The following EMC10 variants were observed in gnomAD, a reference collection of about 807,000 sequenced individuals.
EMC10 encodes ER membrane protein complex subunit 10.
A neutral mutation model predicts 32.2 loss-of-function variants in EMC10; 40 were observed. That is an observed-to-expected ratio of 1.24 (90% CI 0.96 to 1.61). The LOEUF (loss-of-function observed/expected upper bound fraction) is 1.61, where lower values mean the gene tolerates loss of function less well. EMC10 is among the 40% of genes most tolerant of loss of function. The probability of loss-of-function intolerance (pLI) is 0.00; values close to 1 mark genes in which losing one functional copy is unlikely to be tolerated. For missense variants in EMC10, 402 were observed against 357.7 expected (o/e 1.12, Z -1.00); for synonymous variants, 178 against 158.4 (o/e 1.12, Z -0.93).
chr19:50,478,894 G>A, intron 2 of EMC10, 63 bp from the exon 3 acceptor site: 1 of 1,240,794 alleles, frequency 8.1e-7, no homozygotes, highest in Non-Finnish European at 1.1e-6. Context: ...GGACCTCCTG[G>A]CCCCTGCCTG....
At position 50,482,613 on chromosome 19, in the gene EMC10, C is replaced by G. The variant is rs2040341114; in HGVS notation, c.*354C>G. The G allele has an allele frequency of 2.0e-6, 1 of 491,344 alleles. No homozygotes were observed. Among genetic ancestry groups the G allele is most frequent in the Non-Finnish European group, 3.6e-6 (1 of 279,868 alleles). 30.4% of individuals were successfully genotyped at this position (491,344 alleles called of 1,614,324 possible). On this transcript the variant is annotated 3_prime_UTR_variant, in exon 7 of 7. Transcript: ENST00000334976. ...CCCATGCAGTCTGGGAACATGCCGC[C>G]TTCTCTCCAGCCTCTGTGCCTTTGT... is the stretch of plus-strand genomic sequence containing the variant.
chr19:50,479,052 CG>C lies in EMC10; in HGVS notation c.287del (p.Gly96AlafsTer9), dbSNP rs770255014. 24 of 1,605,874 alleles carry C rather than the reference CG, an allele frequency of 1.5e-5. No homozygotes were observed. The East Asian group carries it at 2.0e-4, about 14-fold the overall frequency. On this transcript the variant is annotated frameshift_variant, in exon 3 of 7. Transcript: ENST00000334976. LOFTEE classifies it high-confidence loss of function. ...LSQRQLSEEE[R>X]GRLRDVAALN... The stretch of plus-strand genomic sequence containing the variant: ...ACAGCGGCAGCTCAGCGAGGAGGAG[CG>C]GGGCCGACTCCGGGTGAGGTGGGGC...
chr19:50,478,193 A>C (rs932826292), intron 2 of EMC10, among the ~76,000 whole-genome samples, 192 bp downstream of exon 2: 1 of 152,184 alleles, frequency 6.6e-6, no homozygotes, highest in Non-Finnish European at 1.5e-5. Context: ...CTGTGAGACA[A>C]ACCTCAGTTT....
rs983869981 is a variant in EMC10 at position 50,482,373 on chromosome 19, C to G, written c.*114C>G. ...GGTTTGCTGGTCCCTCCTTTCCCCC[C>G]GTCCCACGAGGCCACCTGGGCCAGC... On this transcript the variant is annotated 3_prime_UTR_variant, in exon 7 of 7. Coordinates refer to ENST00000334976, the MANE Select transcript of EMC10 (RefSeq NM_206538.4). The G allele has an allele frequency of 6.5e-6, 4 of 618,200 alleles. No individual in the cohort carries two copies. The highest frequency in any genetic ancestry group is 5.7e-5 in the South Asian group (3 of 52,188). The allele number at this position is 618,200 out of a possible 1,614,324, so 38.3% of individuals were successfully genotyped here.
At position 50,476,567 on chromosome 19, in the gene EMC10, C is replaced by T. The variant is rs35782968; in HGVS notation, c.23C>T (p.Ala8Val). 3.2e-6 allele frequency: 5 copies of T among 1,574,978 alleles called. No homozygotes were observed. The African/African-American group carries it at 4.1e-5, about 13-fold the overall frequency. The change falls in exon 1 of 7, where the codon GCA (alanine) becomes GTA (valine). Residue 8 changes from alanine (A) to valine (V), a missense_variant. Ala to Val is a moderately conservative substitution (Grantham distance 64, BLOSUM62 0). Transcript: ENST00000334976. MAAASAGATRLLLLLLMA... is the reference protein window; with the variant it reads MAAASAGVTRLLLLLLMA... ...GAGATGGCGGCAGCCAGCGCTGGGG[C>T]AACCCGGCTGCTCCTGCTCTTGCTG...
intron 3 of EMC10, 81 bp downstream of exon 3, chr19:50,479,147 C>A: frequency 8.7e-7 from 1 of 1,155,060 alleles, no homozygotes; most frequent in Non-Finnish European, 1.3e-6. Flanking sequence ...CTGCTGGTCC[C>A]CAGCAGCCTT....
In EMC10 at chr19:50,481,222, G is replaced by T. The variant is rs2040314959; in HGVS notation, c.678+245G>T. On this transcript the variant is annotated intron_variant, in intron 6 of 6. Transcript: ENST00000334976. ...CTGGGGGAGGTCTCGGCCTGAGCTA[G>T]GTTGGAGCCATGAGGCTGGAGAGGA... 6.3e-6 allele frequency: 3 copies of T among 473,764 alleles called. No homozygotes were observed. The Admixed American group carries it at 1.1e-4, about 18-fold the overall frequency. The allele number at this position is 473,764 out of a possible 1,614,324, so 29.3% of individuals were successfully genotyped here. A position where few individuals can be genotyped will look rare whatever the true frequency, so the allele number is the denominator to read the frequency against.
At chr19:50,481,384 C>T (rs1465126037) in intron 6 of EMC10, 1 of 218,392 alleles carries the variant, frequency 4.6e-6, no homozygotes, top group South Asian at 1.2e-4. Context: ...TTGGGGGCAG[C>T]AGGGTGCCTG....
Position 50,482,723 on chromosome 19 carries a change from G to A in EMC10, c.*464G>A. ...CAGCGCCCCCCTCACTTTGACACTG[G>A]ACTAGGATGCAGCCTCCCTTCTGTG... On this transcript the variant is annotated 3_prime_UTR_variant, in exon 7 of 7. Coordinates refer to ENST00000334976, the MANE Select transcript of EMC10 (RefSeq NM_206538.4). 2 of 487,790 alleles carry A rather than the reference G, an allele frequency of 4.1e-6. No homozygotes were observed. Among genetic ancestry groups the A allele is most frequent in the East Asian group, 6.5e-5 (2 of 30,736 alleles). The allele number at this position is 487,790 out of a possible 1,614,324, so 30.2% of individuals were successfully genotyped here. A position where few individuals can be genotyped will look rare whatever the true frequency, so the allele number is the denominator to read the frequency against.
intron 6 of EMC10, chr19:50,481,588 G>A: frequency 2.0e-6 from 1 of 493,212 alleles, no homozygotes. Context: ...GCAGGCCAAG[G>A]CCAGCGAAGA....
At chr19:50,481,388 G>T (rs948274805) in intron 6 of EMC10, 40 of 219,900 alleles carry the variant, frequency 1.8e-4, no homozygotes, top group African/African-American at 7.8e-4. Flanking sequence ...GGGCAGCAGG[G>T]TGCCTGGGAG....
intron 1 of EMC10, 115 bp downstream of exon 1, chr19:50,476,773 G>A: frequency 3.0e-6 from 2 of 671,598 alleles, no homozygotes; most frequent in Non-Finnish European, 4.7e-6. Context: ...GGAAGAGGTG[G>A]GAGATCCCTG....
rs986125406 is a variant in EMC10, at chr19:50,476,630, G to C, written c.86G>C (p.Gly29Ala). The change falls in exon 1 of 7, where the codon GGC (glycine) becomes GCC (alanine). Residue 29 changes from glycine to alanine, a missense_variant. Transcript: ENST00000334976. ...GCGCCCAGTCGAGCCCGGGGCAGCG[G>C]CTGCCGGGCCGGGACTGGTGCGCGA... is the stretch of plus-strand genomic sequence containing the variant. Reference protein sequence around the residue: ...VAAPSRARGSGCRAGTGARGA... With the variant: ...VAAPSRARGSACRAGTGARGA... 1.3e-6 allele frequency: 2 copies of C among 1,551,442 alleles called. No individual in the cohort carries two copies. Among genetic ancestry groups the C allele is most frequent in the Admixed American group, 1.9e-5 (1 of 52,998 alleles).
rs1207119790 is a variant in EMC10 at position 50,485,546 on chromosome 19, TCTC to T, written c.*3290_*3292del. The T allele has an allele frequency of 2.0e-5, 3 of 152,406 alleles. No homozygotes were observed. Among genetic ancestry groups the T allele is most frequent in the East Asian group, 1.9e-4 (1 of 5,180 alleles). The allele number at this position is 152,406 out of a possible 1,614,324, so 9.4% of individuals were successfully genotyped here. The stretch of plus-strand genomic sequence containing the variant: ...GAGCACTGCCCTGTCCCAATCACGT[TCTC>T]CTATGCACCACCATACCTACCCCTA... On this transcript the variant is annotated 3_prime_UTR_variant, in exon 7 of 7. Coordinates refer to ENST00000334976, the MANE Select transcript of EMC10 (RefSeq NM_206538.4).
chr19:50,478,964 T>G lies in EMC10; in HGVS notation c.195T>G (p.Ser65Arg), dbSNP rs2040273627. 6.2e-7 allele frequency: 1 copy of G among 1,606,978 alleles called. No homozygotes were observed. Among genetic ancestry groups the G allele is most frequent in the Non-Finnish European group, 8.5e-7 (1 of 1,177,432 alleles). The change falls in exon 3 of 7, where the codon AGT becomes AGG. Residue 65 changes from serine to arginine, a missense_variant. By Grantham distance (110) the Ser-to-Arg change is moderately radical (BLOSUM62 -1). Transcript: ENST00000334976. Reference sequence around the variant, plus strand: ...AACCTGAGCTCCTCACAGATGACAGTGCCAACTTCCGGAAGCGGGGCTCAC... The same window carrying G: ...AACCTGAGCTCCTCACAGATGACAGGGCCAACTTCCGGAAGCGGGGCTCAC... ...LLEHSFEIDD[S>R]ANFRKRGSLL...
intron 6 of EMC10, chr19:50,481,233 T>C (rs939442809): frequency 1.3e-5 from 6 of 452,252 alleles, no homozygotes; most frequent in Non-Finnish European, 2.3e-5. Context: ...GTTGGAGCCA[T>C]GAGGCTGGAG....
At chr19:50,478,221 C>G (rs777111312) in intron 2 of EMC10, among the ~76,000 whole-genome samples, 2 of 152,222 alleles carry the variant, frequency 1.3e-5, no homozygotes, top group Admixed American at 6.5e-5. Flanking sequence ...GTCATCACAG[C>G]AGTAATAATT....
rs2040350475 is a variant in EMC10, at chr19:50,483,163, T to C, written c.*904T>C. 2 of 457,530 alleles carry C rather than the reference T, an allele frequency of 4.4e-6. No homozygotes were observed. Among genetic ancestry groups the C allele is most frequent in the Non-Finnish European group, 8.8e-6 (2 of 228,204 alleles). 28.3% of individuals were successfully genotyped at this position (457,530 alleles called of 1,614,324 possible). A position where few individuals can be genotyped will look rare whatever the true frequency, so the allele number is the denominator to read the frequency against. On this transcript the variant is annotated 3_prime_UTR_variant, in exon 7 of 7. Transcript: ENST00000334976. The stretch of plus-strand genomic sequence containing the variant: ...TGTGAACGTTTTGAAAAGCTACAGC[T>C]TCCAGCAGCCAAAAGCAACTGTTGT...
Position 50,476,605 on chromosome 19 carries a change from G to A in EMC10, c.61G>A (p.Ala21Thr). Residue 21 changes from alanine to threonine, a missense_variant, in exon 1 of 7, where the codon GCG (alanine) becomes ACG (threonine). Physicochemically the swap from Ala to Thr is moderately conservative, Grantham distance 58 (BLOSUM62 0). Transcript: ENST00000334976. The stretch of plus-strand genomic sequence containing the variant: ...CCTGCTCTTGCTGATGGCGGTAGCA[G>A]CGCCCAGTCGAGCCCGGGGCAGCGG... ...LLLLLLMAVA[A>T]PSRARGSGCR... The A allele has an allele frequency of 6.4e-7, 1 of 1,566,284 alleles. No individual in the cohort carries two copies. Among genetic ancestry groups the A allele is most frequent in the Non-Finnish European group, 8.6e-7 (1 of 1,161,606 alleles).
Sources: allele counts gnomAD v4.1 joint callset (sites outside exome capture counted in the v4.1 genomes callset), GRCh38; gene constraint gnomAD v4.1.1; transcripts MANE v1.5; gene names NCBI Gene and HGNC (gene_info 2026-07-23, HGNC 2026-07-21).